The following MRPL48 variants were observed in gnomAD, a reference collection of about 807,000 sequenced individuals.
MRPL48 encodes mitochondrial ribosomal protein L48, also known as large ribosomal subunit protein mL48.
In MRPL48, 16 loss-of-function variants were observed where a neutral mutation model predicts 32.9. The ratio of observed to expected loss-of-function variants is 0.49; its 90% CI spans 0.33 to 0.74. The LOEUF (loss-of-function observed/expected upper bound fraction) is 0.74, where lower values mean the gene tolerates loss of function less well. MRPL48 is among the 30% of genes least tolerant of loss of function. MRPL48 has a pLI of 0.02. For missense variants in MRPL48, 206 were observed against 245.3 expected, an observed-to-expected ratio of 0.84 and a Z score of 1.07; for synonymous variants, 94 against 89.2, an observed-to-expected ratio of 1.05 and a Z score of -0.31.
At position 73,835,220 on chromosome 11, in the gene MRPL48, C is replaced by A. The variant is rs539775320; in HGVS notation, c.201+9424C>A. On this transcript the variant is annotated intron_variant, in intron 4 of 7. Coordinates refer to ENST00000310614, the MANE Select transcript of MRPL48 (RefSeq NM_016055.6). ...GCTGTGGTGTGATCTTGGCTCACTG[C>A]AACCTCCGACTCCCTGGTTCAAGCG... Among the ~76,000 whole-genome samples the A allele has an allele frequency of 2.0e-5, 3 of 146,794 alleles. No individual in the cohort carries two copies. The South Asian group carries it at 6.5e-4, about 32-fold the overall frequency.
chr11:73,820,362 C>T (rs1947755135), intron 3 of MRPL48, among the ~76,000 whole-genome samples: 1 of 152,108 alleles, frequency 6.6e-6, no homozygotes, highest in Admixed American at 6.6e-5. Context: ...GTAGCAGGGA[C>T]TACAGGCATG....
chr11:73,817,557 T>C (rs1947699671), intron 3 of MRPL48, among the ~76,000 whole-genome samples: 1 of 152,232 alleles, frequency 6.6e-6, no homozygotes. Flanking sequence ...TGCTTTCCCT[T>C]GTGTTTGGAA....
At chr11:73,840,712 C>G (rs1948172935) in intron 4 of MRPL48, among the ~76,000 whole-genome samples, 1 of 152,086 alleles carries the variant, frequency 6.6e-6, no homozygotes, top group Non-Finnish European at 1.5e-5. Context: ...ATTGGCCAGG[C>G]TGGTCTTGAA....
rs780065310 is a variant in MRPL48, at chr11:73,844,874, T to C, written c.269T>C (p.Val90Ala). Residue 90 changes from valine (V) to alanine (A), a missense_variant, in exon 5 of 8, where the codon GTT becomes GCT. Physicochemically the swap from Val to Ala is moderately conservative, Grantham distance 64 (BLOSUM62 0). Transcript: ENST00000310614. ...TTGGGGACAGATTATGAATATGGGG[T>C]TTTAAATATTCATCTGACTGCATAT... ...INLGTDYEYG[V>A]LNIHLTAYDM... 9 of 1,613,390 alleles carry C rather than the reference T, an allele frequency of 5.6e-6. No individual in the cohort carries two copies. In the Admixed American group the frequency reaches 1.0e-4, roughly 18 times the overall value.
chr11:73,797,583 C>T (rs933833022), intron 1 of MRPL48, among the ~76,000 whole-genome samples: 18 of 152,222 alleles, frequency 1.2e-4, no homozygotes, highest in African/African-American at 3.6e-4. Context: ...GGTCCGGCCT[C>T]GCAGAGAGCC....
chr11:73,819,672 C>T (rs1166539382), intron 3 of MRPL48, among the ~76,000 whole-genome samples: 1 of 152,136 alleles, frequency 6.6e-6, no homozygotes, highest in Non-Finnish European at 1.5e-5. Flanking sequence ...ATTGTCCAGC[C>T]TGGGCAACAT....
chr11:73,804,499 T>TG (rs950958332), intron 1 of MRPL48, among the ~76,000 whole-genome samples: 1 of 151,962 alleles, frequency 6.6e-6, no homozygotes, highest in Non-Finnish European at 1.5e-5. Flanking sequence ...CTTGAACTCC[T>TG]GACCTCGTGA....
chr11:73,822,940 G>A, intron 3 of MRPL48: 1 of 450,626 alleles, frequency 2.2e-6, no homozygotes, highest in Admixed American at 2.4e-5. Context: ...ACATATGAGG[G>A]ATCCAGGTTG....
intron 1 of MRPL48, 63 bp downstream of exon 1, chr11:73,788,055 G>A: frequency 6.2e-7 from 1 of 1,600,984 alleles, no homozygotes; most frequent in Non-Finnish European, 8.5e-7. Flanking sequence ...GAGGGGAGAT[G>A]GCGGAGGGTG....
intron 4 of MRPL48, among the ~76,000 whole-genome samples, chr11:73,836,592 A>G: frequency 6.6e-6 from 1 of 152,156 alleles, no homozygotes; most frequent in African/African-American, 2.4e-5. Flanking sequence ...ATAAACATAT[A>G]TATTATTTAA....
At chr11:73,849,181 A>G (rs1231846701) in intron 5 of MRPL48, among the ~76,000 whole-genome samples, 2 of 151,078 alleles carry the variant, frequency 1.3e-5, no homozygotes, top group Admixed American at 6.6e-5. Flanking sequence ...CTGTCTCCTG[A>G]GCTGGAGTGC....
intron 4 of MRPL48, among the ~76,000 whole-genome samples, chr11:73,840,687 G>T (rs771999825): frequency 6.6e-6 from 1 of 151,776 alleles, no homozygotes; most frequent in African/African-American, 2.4e-5. Flanking sequence ...TTTAGTAGAG[G>T]CGCGGTTTCA....
chr11:73,849,709 A>G (rs1310298634), intron 5 of MRPL48, among the ~76,000 whole-genome samples: 1 of 152,214 alleles, frequency 6.6e-6, no homozygotes, highest in Admixed American at 6.5e-5. Flanking sequence ...AAACCACTAT[A>G]AATATGTACA....
intron 6 of MRPL48, 46 bp from the exon 7 acceptor site, chr11:73,863,126 T>C: frequency 3.3e-6 from 5 of 1,520,890 alleles, no homozygotes; most frequent in Non-Finnish European, 4.5e-6. Flanking sequence ...AGTTACCTCG[T>C]TTTCAGCTCC....
At chr11:73,817,858 A>C (rs1947704323) in intron 3 of MRPL48, 2 of 377,366 alleles carry the variant, frequency 5.3e-6, no homozygotes, top group Non-Finnish European at 5.4e-6. Flanking sequence ...AGGCTTGAGT[A>C]CAGTGGCATG....
chr11:73,846,973 C>CTT (rs1163221785), intron 5 of MRPL48, among the ~76,000 whole-genome samples: 2 of 141,594 alleles, frequency 1.4e-5, no homozygotes, highest in African/African-American at 2.6e-5. Context: ...TTCTTTTTTT[C>CTT]TTTTTTTTTT....
At chr11:73,794,927 T>TC (rs1947227979) in intron 1 of MRPL48, among the ~76,000 whole-genome samples, 1 of 150,618 alleles carries the variant, frequency 6.6e-6, no homozygotes, top group Admixed American at 6.6e-5. Flanking sequence ...TTTTTTTTTT[T>TC]GGAGATGGAG....
At chr11:73,803,971 C>T (rs1342284211) in intron 1 of MRPL48, among the ~76,000 whole-genome samples, 3 of 152,048 alleles carry the variant, frequency 2.0e-5, no homozygotes, top group Admixed American at 1.3e-4. Flanking sequence ...CCAGGCTAGA[C>T]TGCAGTGGCG....
At chr11:73,813,423 C>T (rs961946577) in intron 3 of MRPL48, among the ~76,000 whole-genome samples, 13 of 152,284 alleles carry the variant, frequency 8.5e-5, no homozygotes, top group Middle Eastern at 3.4e-3. Context: ...ATTCACCCAC[C>T]TCGGCCTCCC....
Sources: allele counts gnomAD v4.1 joint callset (sites outside exome capture counted in the v4.1 genomes callset), GRCh38; gene constraint gnomAD v4.1.1; transcripts MANE v1.5; gene names NCBI Gene and HGNC (gene_info 2026-07-23, HGNC 2026-07-21).